IHO1: variants seen among roughly 807,000 people sequenced by gnomAD.
IHO1 encodes interactor of HORMAD1 1, also known as interactor of HORMAD1 protein 1.
In IHO1, 13 loss-of-function variants were observed where a neutral mutation model predicts 31.0. The observed-to-expected ratio is 0.42, with a 90% CI of 0.27 to 0.67. The LOEUF (loss-of-function observed/expected upper bound fraction) is 0.67, where lower values mean the gene tolerates loss of function less well. IHO1 is among the 30% of genes least tolerant of loss of function. The probability of loss-of-function intolerance (pLI) is 0.24; values close to 1 mark genes in which losing one functional copy is unlikely to be tolerated. For synonymous variants in IHO1, 221 were observed against 248.4 expected (o/e 0.89, Z 1.04); for missense variants, 599 against 687.5 (o/e 0.87, Z 1.44).
chr3:49,238,877 G>A (rs978356828), intron 3 of IHO1, among the ~76,000 whole-genome samples: 3 of 152,212 alleles, frequency 2.0e-5, no homozygotes, highest in African/African-American at 7.2e-5. Context: ...GGGAATGGGA[G>A]GAGAGGGGAC....
chr3:49,195,745 A>G (rs1245342751), upstream of IHO1, among the ~76,000 whole-genome samples: 1 of 151,632 alleles, frequency 6.6e-6, no homozygotes, highest in Non-Finnish European at 1.5e-5. Context: ...ATAATAAATA[A>G]ATAATAAATA....
intron 2 of IHO1, among the ~76,000 whole-genome samples, chr3:49,221,039 T>C (rs898414192): frequency 6.6e-6 from 1 of 152,348 alleles, no homozygotes; most frequent in South Asian, 2.1e-4. Context: ...CACTTTACAG[T>C]GAGCTGATTG....
rs773254257 is a variant in IHO1 at position 49,256,436 on chromosome 3, A to G, written c.939A>G (p.Leu313=). ...CATGGAATCCTGGTATGGGCTCCCTACAGCCTGGAGAATTTGATGTCTGGG... is the reference window on the plus strand; with the variant it reads ...CATGGAATCCTGGTATGGGCTCCCTGCAGCCTGGAGAATTTGATGTCTGGG... ...PAAWNPGMGS[L]QPGEFDVWGE... is the part of the protein sequence containing the mutation. The change falls in exon 8 of 8, where the codon CTA becomes CTG. Residue 313 remains leucine, a synonymous_variant. Transcript: ENST00000452691. The surrounding 1 kb of genome is among the most constrained non-coding windows in gnomAD (Gnocchi z 4.6). 2 of 1,614,114 alleles carry G rather than the reference A, an allele frequency of 1.2e-6. No individual in the cohort carries two copies. The highest frequency in any genetic ancestry group is 2.2e-5 in the South Asian group (2 of 91,080).
intron 1 of IHO1, among the ~76,000 whole-genome samples, chr3:49,207,161 G>A (rs1007096409): frequency 6.6e-6 from 1 of 151,556 alleles, no homozygotes; most frequent in East Asian, 1.9e-4. Context: ...CTTGATGACC[G>A]GTTATATTAT....
the IHO1 span, chr3:49,191,755 A>C: frequency 1.3e-6 from 2 of 1,577,598 alleles, no homozygotes; most frequent in Non-Finnish European, 8.6e-7. Context: ...CCAGGAGCCT[A>C]CTAAAGCACT....
chr3:49,232,484 G>T (rs890233796), intron 2 of IHO1, among the ~76,000 whole-genome samples: 2 of 152,188 alleles, frequency 1.3e-5, no homozygotes, highest in African/African-American at 4.8e-5. Context: ...ATAACTTGGG[G>T]TAGTGGTTAT....
intron 6 of IHO1, among the ~76,000 whole-genome samples, chr3:49,250,655 A>T (rs2046749069): frequency 6.6e-6 from 1 of 152,230 alleles, no homozygotes; most frequent in African/African-American, 2.4e-5. Context: ...CCAATACCTA[A>T]GTAAATAGCC....
chr3:49,255,238 C>A, intron 6 of IHO1, 152 bp from the exon 7 acceptor site: 1 of 528,580 alleles, frequency 1.9e-6, no homozygotes, highest in Non-Finnish European at 3.3e-6. Flanking sequence ...TAGCCAGGAT[C>A]TTGTCAAGGA....
At position 49,256,598 on chromosome 3, in the gene IHO1, C is replaced by T; in HGVS notation, c.1101C>T (p.Ala367=). The change falls in exon 8 of 8, where the codon GCC becomes GCT. Residue 367 remains alanine, a synonymous_variant. Coordinates refer to ENST00000452691, the MANE Select transcript of IHO1 (RefSeq NM_001135197.2). This position sits in a 1 kb window ranked among gnomAD's most constrained non-coding sequence, Gnocchi z 4.6. ...ACTGGGCTGTTACTAAAACAGGTGC[C>T]AAGAACCATGGTTCCAGCGTCCCAG... ...CKNWAVTKTG[A]KNHGSSVPGH... is the part of the protein sequence containing the mutation. 4 of 1,614,210 alleles carry T rather than the reference C, an allele frequency of 2.5e-6. No homozygotes were observed. Among genetic ancestry groups the T allele is most frequent in the Non-Finnish European group, 3.4e-6 (4 of 1,180,040 alleles).
At chr3:49,194,180 A>T (rs1425646990), upstream of IHO1, among the ~76,000 whole-genome samples, 1 of 149,154 alleles carries the variant, frequency 6.7e-6, no homozygotes, top group East Asian at 2.0e-4. Context: ...AGGCAGGAGA[A>T]TTGCTTCAAC....
At chr3:49,194,340 G>A (rs2045985255), upstream of IHO1, among the ~76,000 whole-genome samples, 1 of 141,352 alleles carries the variant, frequency 7.1e-6, no homozygotes, top group Non-Finnish European at 1.5e-5. Flanking sequence ...GGCTTGCTCT[G>A]TTGCCCAGGC....
At chr3:49,222,195 T>A (rs2046362098) in intron 2 of IHO1, among the ~76,000 whole-genome samples, 2 of 152,240 alleles carry the variant, frequency 1.3e-5, no homozygotes, top group African/African-American at 4.8e-5. Context: ...GCCATAGCTG[T>A]TCCTAACCCT....
intron 2 of IHO1, among the ~76,000 whole-genome samples, chr3:49,232,686 C>T (rs924233247): frequency 6.6e-6 from 1 of 152,160 alleles, no homozygotes; most frequent in Admixed American, 6.5e-5. Flanking sequence ...AACACAGCCA[C>T]CTACCTGGGG....
At chr3:49,201,151 AC>A (rs1203078255) in intron 1 of IHO1, among the ~76,000 whole-genome samples, 1 of 151,316 alleles carries the variant, frequency 6.6e-6, no homozygotes, top group Non-Finnish European at 1.5e-5. Flanking sequence ...CCGCCACCAC[AC>A]CCGGCTAATT....
intron 2 of IHO1, among the ~76,000 whole-genome samples, chr3:49,221,700 C>T (rs1575573167): frequency 1.3e-5 from 2 of 152,306 alleles, no homozygotes; most frequent in South Asian, 2.1e-4. Context: ...GTTAGTTGAG[C>T]TCATTTGGGG....
intron 2 of IHO1, among the ~76,000 whole-genome samples, chr3:49,221,509 C>G (rs2046355695): frequency 6.6e-6 from 1 of 152,226 alleles, no homozygotes; most frequent in African/African-American, 2.4e-5. Flanking sequence ...ATTCACCTCT[C>G]AATCCCCCCT....
At chr3:49,246,179 CAAAA>C (rs71278650) in intron 6 of IHO1, among the ~76,000 whole-genome samples, 10 of 47,764 alleles carry the variant, frequency 2.1e-4, no homozygotes, top group African/African-American at 6.5e-4. Context: ...GAGACTCCGT[CAAAA>C]AAAAAAAAAA....
At chr3:49,221,363 TGC>T (rs1211336097) in intron 2 of IHO1, among the ~76,000 whole-genome samples, 2 of 151,992 alleles carry the variant, frequency 1.3e-5, no homozygotes, top group Non-Finnish European at 2.9e-5. Context: ...TGCTGATTGG[TGC>T]GTTTTTTACA....
upstream of IHO1, among the ~76,000 whole-genome samples, chr3:49,195,857 T>C (rs2045993538): frequency 6.6e-6 from 1 of 151,394 alleles, no homozygotes; most frequent in Admixed American, 6.6e-5. Flanking sequence ...ATCACAGCAC[T>C]TTGGGAGGCC....
Sources: allele counts gnomAD v4.1 joint callset (sites outside exome capture counted in the v4.1 genomes callset), GRCh38; gene constraint gnomAD v4.1.1; non-coding constraint Gnocchi (gnomAD v3.1); transcripts MANE v1.5; gene names NCBI Gene and HGNC (gene_info 2026-07-23, HGNC 2026-07-21).